HPSE2: variants seen among roughly 807,000 people sequenced by gnomAD.
The protein encoded by HPSE2 is heparanase 2 (inactive), also known as inactive heparanase-2.
Under a neutral mutation model 60.5 loss-of-function variants are expected in HPSE2, and 38 were observed. The observed-to-expected ratio is 0.63, with a 90% CI of 0.48 to 0.82. The LOEUF (loss-of-function observed/expected upper bound fraction) is 0.82. Among genes scored for constraint, HPSE2 ranks in the 40% least tolerant of loss-of-function variants. HPSE2 has a pLI of 0.00. For synonymous variants in HPSE2, 295 were observed against 293.2 expected (o/e 1.01, Z -0.06); for missense variants, 713 against 740.4 (o/e 0.96, Z 0.43).
chr10:98,618,503 A>T lies in HPSE2; in HGVS notation c.1205+2099T>A, dbSNP rs554029410. Among the ~76,000 whole-genome samples, 128 of 152,156 alleles carry T rather than the reference A, an allele frequency of 8.4e-4. 1 individual carries two copies. The highest frequency in any genetic ancestry group is 1.6e-3 in the Non-Finnish European group (106 of 68,012). ...CTGATTCCAAGGGGGTCCCTGCAGC[A>T]TTGACACCCTGGCTTCTCACTCTTT... On this transcript the variant is annotated intron_variant, in intron 8 of 11. Coordinates refer to ENST00000370552, the MANE Select transcript of HPSE2 (RefSeq NM_021828.5).
chr10:98,882,135 G>T (rs920843982), intron 3 of HPSE2, among the ~76,000 whole-genome samples: 3 of 152,022 alleles, frequency 2.0e-5, no homozygotes, highest in Non-Finnish European at 4.4e-5. Flanking sequence ...AGCATGCCTT[G>T]GGTAGCTGCT....
intron 3 of HPSE2, among the ~76,000 whole-genome samples, chr10:98,747,131 CTAT>C (rs1453570337): frequency 2.0e-5 from 3 of 151,884 alleles, no homozygotes; most frequent in Non-Finnish European, 4.4e-5. Flanking sequence ...TTTAAGTCCT[CTAT>C]TATTCATGTC....
intron 7 of HPSE2, among the ~76,000 whole-genome samples, chr10:98,638,297 C>G (rs1011382752): frequency 6.6e-5 from 10 of 151,600 alleles, no homozygotes; most frequent in Admixed American, 2.6e-4. Context: ...TACAAAAAAT[C>G]AGCCGGGAGT....
At chr10:98,561,336 C>T (rs569050412) in intron 9 of HPSE2, among the ~76,000 whole-genome samples, 104 of 151,686 alleles carry the variant, frequency 6.9e-4, no homozygotes, top group African/African-American at 2.3e-3. Flanking sequence ...CCCAGGCCAA[C>T]GTGTGTGTTT....
intron 2 of HPSE2, among the ~76,000 whole-genome samples, chr10:99,207,984 A>G (rs768615544): frequency 9.9e-4 from 149 of 149,896 alleles, no homozygotes; most frequent in Non-Finnish European, 1.8e-3. Flanking sequence ...AATAAAATGG[A>G]ACAATTATAA....
At chr10:99,014,379 A>G (rs1237128874) in intron 3 of HPSE2, among the ~76,000 whole-genome samples, 3 of 152,058 alleles carry the variant, frequency 2.0e-5, no homozygotes, top group Non-Finnish European at 4.4e-5. Flanking sequence ...GGTTGATTCC[A>G]TGTCTTTGCT....
chr10:98,857,262 GTACCT>G (rs1437836461), intron 3 of HPSE2, among the ~76,000 whole-genome samples: 2 of 152,130 alleles, frequency 1.3e-5, no homozygotes, highest in Non-Finnish European at 2.9e-5. Context: ...TCCTCTGTGG[GTACCT>G]TACTTGCACA....
intron 7 of HPSE2, among the ~76,000 whole-genome samples, chr10:98,634,965 T>G (rs148202735): frequency 6.6e-6 from 1 of 152,162 alleles, no homozygotes; most frequent in Non-Finnish European, 1.5e-5. Flanking sequence ...CCTCACAAAC[T>G]AAGGTGGGTA....
intron 3 of HPSE2, among the ~76,000 whole-genome samples, chr10:98,888,135 A>ACAC (rs1953221901): frequency 7.1e-6 from 1 of 140,710 alleles, no homozygotes; most frequent in African/African-American, 2.6e-5. Context: ...TTTTAAAACA[A>ACAC]ACACACACAC....
At chr10:99,156,645 T>C (rs958700930) in intron 2 of HPSE2, among the ~76,000 whole-genome samples, 1 of 109,740 alleles carries the variant, frequency 9.1e-6, no homozygotes, top group Non-Finnish European at 2.3e-5. Flanking sequence ...GCGAATATCA[T>C]ACTGAATGGG....
At chr10:99,300,013 G>A in the HPSE2 span, among the ~76,000 whole-genome samples, 1 of 138,342 alleles carries the variant, frequency 7.2e-6, no homozygotes, top group East Asian at 2.1e-4. Context: ...AATAGGGACA[G>A]GGCAGAGGGA....
chr10:98,623,249 T>C (rs1009155552), intron 7 of HPSE2, among the ~76,000 whole-genome samples: 2 of 152,174 alleles, frequency 1.3e-5, no homozygotes, highest in African/African-American at 4.8e-5. Context: ...GTTCTATTTA[T>C]ATGAAATGTT....
At chr10:98,486,796 G>A (rs565342654) in intron 10 of HPSE2, among the ~76,000 whole-genome samples, 2 of 152,202 alleles carry the variant, frequency 1.3e-5, no homozygotes, top group South Asian at 2.1e-4. Flanking sequence ...TTTTGGGTTC[G>A]GTAAAAGCCA....
intron 5 of HPSE2, among the ~76,000 whole-genome samples, chr10:98,708,705 A>G (rs1656525060): frequency 6.6e-6 from 1 of 152,184 alleles, no homozygotes. Flanking sequence ...GGAGGAAAAA[A>G]TCAAATTTGC....
chr10:98,803,929 T>C (rs1248980715), intron 3 of HPSE2, among the ~76,000 whole-genome samples: 7 of 152,040 alleles, frequency 4.6e-5, no homozygotes, highest in East Asian at 1.9e-4. Flanking sequence ...GCCATTTTCA[T>C]GATATTGATT....
intron 3 of HPSE2, among the ~76,000 whole-genome samples, chr10:99,114,185 T>C (rs1405996675): frequency 6.6e-6 from 1 of 152,254 alleles, no homozygotes; most frequent in Non-Finnish European, 1.5e-5. Flanking sequence ...TTTCCTTGCA[T>C]ATCTTCTGAA....
At chr10:99,149,785 A>G (rs1846190733) in intron 2 of HPSE2, among the ~76,000 whole-genome samples, 1 of 152,218 alleles carries the variant, frequency 6.6e-6, no homozygotes, top group South Asian at 2.1e-4. Context: ...ACTCAAAGCC[A>G]GAAAACTTAG....
intron 3 of HPSE2, among the ~76,000 whole-genome samples, chr10:98,842,330 A>T (rs1951933816): frequency 6.6e-6 from 1 of 152,172 alleles, no homozygotes; most frequent in African/African-American, 2.4e-5. Flanking sequence ...TAGTAGTGAC[A>T]ACATAATGCA....
chr10:99,078,786 G>C (rs1044479524), intron 3 of HPSE2, among the ~76,000 whole-genome samples: 4 of 152,094 alleles, frequency 2.6e-5, no homozygotes, highest in Admixed American at 2.0e-4. Context: ...GTGCATTAGA[G>C]AACAGTTACC....
Sources: allele counts gnomAD v4.1 joint callset (sites outside exome capture counted in the v4.1 genomes callset), GRCh38; gene constraint gnomAD v4.1.1; transcripts MANE v1.5; gene names NCBI Gene and HGNC (gene_info 2026-07-23, HGNC 2026-07-21).